GNG7: variants seen among roughly 807,000 people sequenced by gnomAD.
The protein encoded by GNG7 is guanine nucleotide-binding protein G(I)/G(S)/G(O) subunit gamma-7.
Under a neutral mutation model 4.0 loss-of-function variants are expected in GNG7, and 1 was observed. The observed-to-expected ratio is 0.25, with a 90% confidence interval of 0.09 to 1.18. The LOEUF (loss-of-function observed/expected upper bound fraction) is 1.18. Ranked by LOEUF, GNG7 falls within the 50% of genes most tolerant of loss-of-function variation. The pLI, the probability that GNG7 is intolerant of heterozygous loss-of-function variation, is 0.50. For missense variants in GNG7, 86 were observed against 91.9 expected, an observed-to-expected ratio of 0.94 and a Z score of 0.26; for synonymous variants, 34 against 36.9, an observed-to-expected ratio of 0.92 and a Z score of 0.29.
In GNG7 at chr19:2,558,612, T is replaced by A. The variant is rs563675707; in HGVS notation, c.-77-3424A>T. Among the ~76,000 whole-genome samples, 16 of 152,228 alleles carry A rather than the reference T, an allele frequency of 1.1e-4. No individual in the cohort carries two copies. In the South Asian group the frequency reaches 3.1e-3, roughly 30 times the overall value. ...TTAAAAATAAGAGAGTGTGTGTAGA[T>A]GTCTGGGGAAAGGATAAAGTGCTGG... On this transcript the variant is annotated intron_variant, in intron 2 of 4. Coordinates refer to ENST00000382159, the MANE Select transcript of GNG7 (RefSeq NM_052847.3).
chr19:2,515,429 CTTTCT>C (rs1195561247), intron 4 of GNG7, among the ~76,000 whole-genome samples: 1 of 61,070 alleles, frequency 1.6e-5, no homozygotes, highest in South Asian at 1.0e-3. Flanking sequence ...GATCCCATTT[CTTTCT>C]TTTTTTTTTT....
At chr19:2,540,386 C>T (rs918613368) in intron 3 of GNG7, among the ~76,000 whole-genome samples, 6 of 151,936 alleles carry the variant, frequency 3.9e-5, no homozygotes, top group Admixed American at 6.6e-5. Context: ...TCCTGGCCTC[C>T]GGTGATCCTC....
intron 2 of GNG7, among the ~76,000 whole-genome samples, chr19:2,621,696 A>C (rs1568265382): frequency 6.6e-6 from 1 of 151,688 alleles, no homozygotes; most frequent in South Asian, 2.1e-4. Context: ...GACCTCATCT[A>C]AAACAAACAA....
chr19:2,549,876 GT>G (rs1979260252), intron 3 of GNG7, among the ~76,000 whole-genome samples: 2 of 152,338 alleles, frequency 1.3e-5, no homozygotes, highest in Admixed American at 6.5e-5. Context: ...CCAAGATGAG[GT>G]TTTGATGACA....
At position 2,612,706 on chromosome 19, in the gene GNG7, A is replaced by ATTTTTTT. The variant is rs1568262802; in HGVS notation, c.-78+33517_-78+33518insAAAAAAA. Among the ~76,000 whole-genome samples, 9 of 118,424 alleles carry ATTTTTTT rather than the reference A, an allele frequency of 7.6e-5. 1 individual carries two copies. The highest frequency in any genetic ancestry group is 4.2e-4 in the African/African-American group (9 of 21,596). The allele number at this position is 118,424 out of a possible 152,430, so 77.7% of individuals were successfully genotyped here. A position where few individuals can be genotyped will look rare whatever the true frequency, so the allele number is the denominator to read the frequency against. On this transcript the variant is annotated intron_variant, in intron 2 of 4. Transcript: ENST00000382159. ...TTAGAATTTTTTTTTTTTTTTGAGA[A>ATTTTTTT]ATTTTTTTTTTTTTTTTGAGAGTCT...
chr19:2,681,343 C>G (rs930036963), intron 1 of GNG7, among the ~76,000 whole-genome samples: 1 of 152,034 alleles, frequency 6.6e-6, no homozygotes, highest in Non-Finnish European at 1.5e-5. Flanking sequence ...GCCACCACGC[C>G]CGGCTAATTT....
Position 2,562,975 on chromosome 19 carries a change from C to T in GNG7, c.-77-7787G>A, listed in dbSNP as rs149964405. Reference sequence around the variant, plus strand: ...TTTTTTGTTTTTTGAGACAGAGTCTCGCTCTGTCGCCCAGGCTGGAGTGCA... The same window carrying T: ...TTTTTTGTTTTTTGAGACAGAGTCTTGCTCTGTCGCCCAGGCTGGAGTGCA... On this transcript the variant is annotated intron_variant, in intron 2 of 4. Transcript: ENST00000382159. 8.3e-3 allele frequency among the ~76,000 whole-genome samples: 1,262 copies of T among 151,816 alleles called. 16 individuals are homozygous for T. The highest frequency in any genetic ancestry group is 0.029 in the African/African-American group (1,205 of 41,318).
In GNG7 at chr19:2,633,497, A is replaced by ACGCGCGCG. The variant is rs769996939; in HGVS notation, c.-78+12726_-78+12727insCGCGCGCG. On this transcript the variant is annotated intron_variant, in intron 2 of 4. Transcript: ENST00000382159. The surrounding 1 kb of genome is among the most constrained non-coding windows in gnomAD (Gnocchi z 5.9). The stretch of plus-strand genomic sequence containing the variant: ...CGCGCGCGCGCGCGCGCACACACAC[A>ACGCGCGCG]CACACACACACACACACACACACAC... 4.3e-4 allele frequency among the ~76,000 whole-genome samples: 52 copies of ACGCGCGCG among 121,360 alleles called. No homozygotes were observed. Among genetic ancestry groups the ACGCGCGCG allele is most frequent in the African/African-American group, 2.2e-3 (51 of 22,694 alleles). The allele number at this position is 121,360 out of a possible 152,430, so 79.6% of individuals were successfully genotyped here.
chr19:2,569,920 T>C (rs1206951277), intron 2 of GNG7, among the ~76,000 whole-genome samples: 1 of 152,122 alleles, frequency 6.6e-6, no homozygotes, highest in African/African-American at 2.4e-5. Flanking sequence ...CACAAAATCC[T>C]AGAATCCAGC....
At chr19:2,515,553 G>A (rs1402505723) in intron 4 of GNG7, among the ~76,000 whole-genome samples, 1 of 151,812 alleles carries the variant, frequency 6.6e-6, no homozygotes, top group Non-Finnish European at 1.5e-5. Context: ...TCAGCCTCCC[G>A]AGTAGCTGGG....
At chr19:2,524,986 G>C (rs1978346929) in intron 3 of GNG7, among the ~76,000 whole-genome samples, 1 of 146,624 alleles carries the variant, frequency 6.8e-6, no homozygotes, top group South Asian at 2.1e-4. Flanking sequence ...CATCACCCAT[G>C]CAGTCGCCTC....
At position 2,514,639 on chromosome 19, in the gene GNG7, C is replaced by T. The variant is rs112808296; in HGVS notation, c.*383G>A. The T allele has an allele frequency of 4.5e-3, 753 of 167,974 alleles. 4 individuals are homozygous for T. Among genetic ancestry groups the T allele is most frequent in the African/African-American group, 0.017 (707 of 41,898 alleles). 10.4% of individuals were successfully genotyped at this position (167,974 alleles called of 1,614,324 possible). ...CTATTGCCACCGGGCGAAGTCACCT[C>T]CCTTTCCCCCTCGGCGCCGGTCCAC... On this transcript the variant is annotated 3_prime_UTR_variant, in exon 5 of 5. Coordinates refer to ENST00000382159, the MANE Select transcript of GNG7 (RefSeq NM_052847.3).
rs1305450272 is a variant in GNG7 at position 2,557,171 on chromosome 19, CACGT to C, written c.-77-1987_-77-1984del. Among the ~76,000 whole-genome samples, 1 of 151,880 alleles carries C rather than the reference CACGT, an allele frequency of 6.6e-6. No homozygotes were observed. Among genetic ancestry groups the C allele is most frequent in the Non-Finnish European group, 1.5e-5 (1 of 67,966 alleles). On this transcript the variant is annotated intron_variant, in intron 2 of 4. Transcript: ENST00000382159. This position sits in a 1 kb window ranked among gnomAD's most constrained non-coding sequence, Gnocchi z 5.1. ...ACATGCACACAAAGACACGCGCACA[CACGT>C]ACACACAAGACACGTGCACACACAT...
intron 4 of GNG7, among the ~76,000 whole-genome samples, chr19:2,516,684 C>A (rs1972739877): frequency 6.6e-6 from 1 of 152,216 alleles, no homozygotes; most frequent in Admixed American, 6.5e-5. Context: ...ACGCTGCCTG[C>A]ACATTTGATG....
chr19:2,612,043 T>A (rs1165505661), intron 2 of GNG7, among the ~76,000 whole-genome samples: 1 of 151,736 alleles, frequency 6.6e-6, no homozygotes, highest in Non-Finnish European at 1.5e-5. Context: ...CCCAGCTAAT[T>A]TTAGTATTTT....
rs540367970 is a variant in GNG7 at position 2,546,656 on chromosome 19, C to G, written c.-38+8493G>C. Reference sequence around the variant, plus strand: ...GTCCCGCCGCTGCCTTCAGCCGGAGCTTGGAGCCTAAGAATGAGCCGGCTT... The same window carrying G: ...GTCCCGCCGCTGCCTTCAGCCGGAGGTTGGAGCCTAAGAATGAGCCGGCTT... On this transcript the variant is annotated intron_variant, in intron 3 of 4. Transcript: ENST00000382159. This position sits in a 1 kb window ranked among gnomAD's most constrained non-coding sequence, Gnocchi z 6.3. 3.9e-5 allele frequency among the ~76,000 whole-genome samples: 6 copies of G among 152,294 alleles called. No individual in the cohort carries two copies. Among genetic ancestry groups the G allele is most frequent in the African/African-American group, 1.2e-4 (5 of 41,562 alleles).
intron 3 of GNG7, among the ~76,000 whole-genome samples, chr19:2,531,236 G>A (rs956565764): frequency 2.7e-5 from 4 of 148,604 alleles, no homozygotes; most frequent in East Asian, 2.0e-4. Flanking sequence ...TCCGGGAGAC[G>A]GTGGTTGCAG....
At chr19:2,675,318 G>A (rs921057267) in intron 1 of GNG7, among the ~76,000 whole-genome samples, 1 of 152,170 alleles carries the variant, frequency 6.6e-6, no homozygotes, top group African/African-American at 2.4e-5. Flanking sequence ...GCACGGGCTC[G>A]GGAATGGGAA....
intron 3 of GNG7, among the ~76,000 whole-genome samples, chr19:2,532,874 A>G (rs190471684): frequency 5.8e-4 from 88 of 152,316 alleles, no homozygotes; most frequent in African/African-American, 2.1e-3. Context: ...ACCACCATGG[A>G]AAATGGCTTA....
Sources: allele counts gnomAD v4.1 joint callset (sites outside exome capture counted in the v4.1 genomes callset), GRCh38; gene constraint gnomAD v4.1.1; non-coding constraint Gnocchi (gnomAD v3.1); transcripts MANE v1.5; gene names NCBI Gene and HGNC (gene_info 2026-07-23, HGNC 2026-07-21).